Variants in ENPEP observed in about 807,000 individuals in gnomAD.
ENPEP encodes AP-A.
ENPEP carries 103 observed loss-of-function variants against 114.5 expected under a neutral mutation model. That is an observed-to-expected ratio of 0.90 (90% CI 0.77 to 1.06). ENPEP has a LOEUF of 1.06. ENPEP is among the 50% of genes least tolerant of loss of function. The probability of loss-of-function intolerance (pLI) is 0.00; values close to 1 mark genes in which losing one functional copy is unlikely to be tolerated. For missense variants in ENPEP, 1,196 were observed against 1,161.3 expected, an observed-to-expected ratio of 1.03 and a Z score of -0.43; for synonymous variants, 420 against 422.0, an observed-to-expected ratio of 1.00 and a Z score of 0.06.
At chr4:110,540,315 T>TA (rs757715636) in intron 11 of ENPEP, among the ~76,000 whole-genome samples, 6 of 152,142 alleles carry the variant, frequency 3.9e-5, no homozygotes, top group South Asian at 4.1e-4. Context: ...ACACAACAGG[T>TA]AAAAAACATG....
intron 4 of ENPEP, among the ~76,000 whole-genome samples, 188 bp from the exon 5 acceptor site, chr4:110,509,465 G>A (rs1208188316): frequency 6.6e-6 from 1 of 152,172 alleles, no homozygotes; most frequent in Non-Finnish European, 1.5e-5. Context: ...GAGCCAGCAG[G>A]GAATGCTCTA....
At chr4:110,488,371 T>A (rs781268663) in intron 1 of ENPEP, among the ~76,000 whole-genome samples, 170 bp from the exon 2 acceptor site, 2 of 152,222 alleles carry the variant, frequency 1.3e-5, no homozygotes, top group Non-Finnish European at 2.9e-5. Flanking sequence ...AGCTAAAAAT[T>A]CCAGGAAAAC....
At chr4:110,496,790 CT>C (rs1724958005) in intron 3 of ENPEP, among the ~76,000 whole-genome samples, 1 of 152,210 alleles carries the variant, frequency 6.6e-6, no homozygotes, top group African/African-American at 2.4e-5. Context: ...GTGAAGGGTC[CT>C]TTTCATCACA....
intron 3 of ENPEP, chr4:110,499,893 A>G (rs1242715011): frequency 3.9e-5 from 6 of 152,196 alleles, no homozygotes; most frequent in African/African-American, 1.2e-4. Flanking sequence ...GATTCATAGA[A>G]TTGACGTGTG....
At position 110,542,890 on chromosome 4, in the gene ENPEP, AAG is replaced by A. The variant is rs1454456887; in HGVS notation, c.1944+7_1944+8del. ...CAGCGCTCTCCTTGAACCACAAGGT[AAG>A]AGATAGCAATGGTTGGAAACTTTTA... On this transcript the variant is annotated splice_donor_5th_base_variant and intron_variant, in intron 12 of 19. Transcript: ENST00000265162. 6.2e-7 allele frequency: 1 copy of A among 1,611,802 alleles called. No individual in the cohort carries two copies. Among genetic ancestry groups the A allele is most frequent in the South Asian group, 1.1e-5 (1 of 90,634 alleles).
chr4:110,503,254 G>A (rs1725233846), intron 3 of ENPEP, among the ~76,000 whole-genome samples: 1 of 152,122 alleles, frequency 6.6e-6, no homozygotes, highest in Non-Finnish European at 1.5e-5. Flanking sequence ...CTTTATTTTT[G>A]TCGGACTGAG....
In ENPEP at chr4:110,488,669, A is replaced by G. The variant is rs1724593200; in HGVS notation, c.773A>G (p.Asn258Ser). 17 of 1,611,654 alleles carry G rather than the reference A, an allele frequency of 1.1e-5. No homozygotes were observed. The highest frequency in any genetic ancestry group is 1.7e-5 in the Admixed American group (1 of 59,320). The change falls in exon 2 of 20, where the codon AAT (asparagine) becomes AGT (serine). Residue 258 changes from asparagine to serine, a missense_variant. Coordinates refer to ENST00000265162, the MANE Select transcript of ENPEP (RefSeq NM_001977.4). ...CCCAAAGAATACGGAGCACTTTCAAATATGCCAGTGGCGGTAAGTATTTTT... is the reference window on the plus strand; with the variant it reads ...CCCAAAGAATACGGAGCACTTTCAAGTATGCCAGTGGCGGTAAGTATTTTT... ...THPKEYGALS[N>S]MPVAKEESVD...
chr4:110,510,601 T>C (rs1471027702), intron 6 of ENPEP, among the ~76,000 whole-genome samples: 2 of 120,862 alleles, frequency 1.7e-5, no homozygotes, highest in East Asian at 5.1e-4. Flanking sequence ...AAACACATTA[T>C]CAAGGCAGGA....
At chr4:110,542,675 G>T in intron 11 of ENPEP, 76 bp from the exon 12 acceptor site, 1 of 1,349,390 alleles carries the variant, frequency 7.4e-7, no homozygotes, top group Admixed American at 2.5e-5. Flanking sequence ...TTTTCTTTTT[G>T]CCCTCTGGGT....
At chr4:110,498,078 C>T (rs954914306) in intron 3 of ENPEP, among the ~76,000 whole-genome samples, 3 of 152,138 alleles carry the variant, frequency 2.0e-5, no homozygotes, top group Non-Finnish European at 4.4e-5. Context: ...TTTCTTCAAA[C>T]TGATTATTGT....
At chr4:110,524,843 C>T (rs781250030) in intron 10 of ENPEP, among the ~76,000 whole-genome samples, 21 of 152,316 alleles carry the variant, frequency 1.4e-4, no homozygotes, top group Non-Finnish European at 2.8e-4. Flanking sequence ...ACTGCAGCCT[C>T]AATCTCCTGA....
At chr4:110,511,968 TG>T (rs1397254916) in intron 6 of ENPEP, among the ~76,000 whole-genome samples, 1 of 152,174 alleles carries the variant, frequency 6.6e-6, no homozygotes, top group African/African-American at 2.4e-5. Context: ...TTTGCCATGA[TG>T]GCCAGGCTGA....
chr4:110,517,873 C>T (rs944496117), intron 8 of ENPEP, among the ~76,000 whole-genome samples: 6 of 152,178 alleles, frequency 3.9e-5, no homozygotes, highest in African/African-American at 1.4e-4. Context: ...AATAAACCCT[C>T]AGACCAACTG....
intron 1 of ENPEP, among the ~76,000 whole-genome samples, chr4:110,478,590 AT>A (rs1414487102): frequency 6.6e-6 from 1 of 152,052 alleles, no homozygotes; most frequent in Non-Finnish European, 1.5e-5. Flanking sequence ...TTATTCTTAC[AT>A]GTTTTCAAGA....
rs1222773478 is a variant in ENPEP, at chr4:110,476,716, A to C, written c.302A>C (p.His101Pro). The C allele has an allele frequency of 6.2e-7, 1 of 1,613,984 alleles. No homozygotes were observed. Among genetic ancestry groups the C allele is most frequent in the African/African-American group, 1.3e-5 (1 of 75,066 alleles). Residue 101 changes from histidine to proline, a missense_variant, in exon 1 of 20, where the codon CAC (histidine) becomes CCC (proline). His to Pro is a moderately conservative substitution (Grantham distance 77). Transcript: ENST00000265162. ...CTGCCGGACTTCGTCAACCCAGTCC[A>C]CTACGACCTGCACGTGAAGCCCCTG... The part of the protein sequence containing the change: ...FRLPDFVNPV[H>P]YDLHVKPLLE...
At chr4:110,532,684 G>A (rs1324889761) in intron 11 of ENPEP, among the ~76,000 whole-genome samples, 1 of 151,860 alleles carries the variant, frequency 6.6e-6, no homozygotes, top group Non-Finnish European at 1.5e-5. Context: ...CAAACTACCA[G>A]CTTTGTCATT....
In ENPEP at chr4:110,513,712, G is replaced by A. The variant is rs144744955; in HGVS notation, c.1443+163G>A. On this transcript the variant is annotated intron_variant, in intron 7 of 19. Coordinates refer to ENST00000265162, the MANE Select transcript of ENPEP (RefSeq NM_001977.4). Reference sequence around the variant, plus strand: ...AATATTCAATAGTTTGTACTTTTCAGTATAATTTAGTGCTGGTCATTGTCA... The same window carrying A: ...AATATTCAATAGTTTGTACTTTTCAATATAATTTAGTGCTGGTCATTGTCA... Among the ~76,000 whole-genome samples the A allele has an allele frequency of 7.7e-4, 117 of 152,254 alleles. 1 individual carries two copies. Among genetic ancestry groups the A allele is most frequent in the African/African-American group, 2.8e-3 (117 of 41,556 alleles).
At chr4:110,553,618 T>C in intron 18 of ENPEP, 163 bp downstream of exon 18, 2 of 588,042 alleles carry the variant, frequency 3.4e-6, no homozygotes, top group Middle Eastern at 3.4e-4. Context: ...AGCAATGTAC[T>C]AGTTAATTTT....
intron 11 of ENPEP, among the ~76,000 whole-genome samples, chr4:110,542,539 CTTAT>C (rs1352858746): frequency 6.6e-6 from 1 of 152,064 alleles, no homozygotes; most frequent in East Asian, 1.9e-4. Context: ...ATTTATATTA[CTTAT>C]TTCTTTTTTA....
Sources: gnomAD v4.1 joint callset for allele counts (sites outside exome capture counted in the v4.1 genomes callset) on GRCh38, gnomAD v4.1.1 for gene constraint, MANE v1.5 for transcripts, NCBI Gene and HGNC (gene_info 2026-07-23, HGNC 2026-07-21) for gene names.